The following ARHGEF7 variants were observed in gnomAD, a reference collection of about 807,000 sequenced individuals.
The protein encoded by ARHGEF7 is PAK-interacting exchange factor beta.
ARHGEF7 carries 33 observed loss-of-function variants against 109.8 expected under a neutral mutation model. That is an observed-to-expected ratio of 0.30 (90% CI 0.23 to 0.40). The LOEUF (loss-of-function observed/expected upper bound fraction) is 0.40. Among genes scored for constraint, ARHGEF7 ranks in the 10% least tolerant of loss-of-function variants. The pLI is 1.00. For missense variants in ARHGEF7, 938 were observed against 1,098.5 expected (o/e 0.85, Z 2.07); for synonymous variants, 458 against 424.6 (o/e 1.08, Z -0.97).
intron 1 of ARHGEF7, among the ~76,000 whole-genome samples, chr13:111,119,026 A>G (rs986946303): frequency 9.9e-5 from 15 of 152,158 alleles, no homozygotes; most frequent in Admixed American, 1.3e-4. Flanking sequence ...TCTGGGATTA[A>G]GGTACCTGCA....
rs944095633 is a variant in ARHGEF7, at chr13:111,131,429, G to A, written c.165+15738G>A. On this transcript the variant is annotated intron_variant, in intron 1 of 21. Transcript: ENST00000646102. This position sits in a 1 kb window ranked among gnomAD's most constrained non-coding sequence, Gnocchi z 4.4. ...ATTCAGGGTTGGGTGTGTCGTTGGA[G>A]GCATCCGCATAGAGCTGTTGGAGCT... Among the ~76,000 whole-genome samples the A allele has an allele frequency of 2.6e-5, 4 of 152,144 alleles. No individual in the cohort carries two copies. The highest frequency in any genetic ancestry group is 5.9e-5 in the Non-Finnish European group (4 of 68,008).
rs375516760 is a variant in ARHGEF7 at position 111,197,494 on chromosome 13, C to T, written c.253-7795C>T. Reference sequence around the variant, plus strand: ...TTGAAAACCTGTTAAGAGTCCTAAGCGTTCTCCTGTTAGTATTGGGACTTT... The same window carrying T: ...TTGAAAACCTGTTAAGAGTCCTAAGTGTTCTCCTGTTAGTATTGGGACTTT... On this transcript the variant is annotated intron_variant, in intron 2 of 21. Transcript: ENST00000646102. Among the ~76,000 whole-genome samples, 10 of 152,308 alleles carry T rather than the reference C, an allele frequency of 6.6e-5. No individual in the cohort carries two copies. In the East Asian group the frequency reaches 7.7e-4, roughly 12 times the overall value.
At chr13:111,172,547 T>C (rs983286861) in intron 2 of ARHGEF7, among the ~76,000 whole-genome samples, 2 of 152,360 alleles carry the variant, frequency 1.3e-5, no homozygotes, top group South Asian at 4.1e-4. Flanking sequence ...CCTTCACACT[T>C]TTTGGGAACC....
At chr13:111,212,444 G>A (rs1316609051) in intron 4 of ARHGEF7, among the ~76,000 whole-genome samples, 7 of 152,156 alleles carry the variant, frequency 4.6e-5, no homozygotes, top group Admixed American at 3.9e-4. Flanking sequence ...GTTCGACACC[G>A]CTGGAATTCC....
chr13:111,205,416 A>G (rs766294403), intron 3 of ARHGEF7, 43 bp downstream of exon 3: 3 of 1,372,176 alleles, frequency 2.2e-6, no homozygotes, highest in Admixed American at 5.1e-5. Context: ...GGGAAGACAT[A>G]CGGGCTGACA....
intron 2 of ARHGEF7, among the ~76,000 whole-genome samples, chr13:111,179,702 G>A (rs1232421254): frequency 6.6e-6 from 1 of 152,136 alleles, no homozygotes; most frequent in Non-Finnish European, 1.5e-5. Context: ...TTATTTTCCT[G>A]TAGGATCGTT....
At chr13:111,125,071 A>G (rs1342003407) in intron 1 of ARHGEF7, among the ~76,000 whole-genome samples, 3 of 152,046 alleles carry the variant, frequency 2.0e-5, no homozygotes, top group Non-Finnish European at 2.9e-5. Context: ...GGTGTCTTCT[A>G]GTTTTATTGA....
chr13:111,286,351 G>C (rs778630202), intron 17 of ARHGEF7, 111 bp downstream of exon 17: 1 of 851,058 alleles, frequency 1.2e-6, no homozygotes, highest in East Asian at 2.6e-5. Context: ...CCAAACAAAA[G>C]TAAGGTCTGC....
chr13:111,304,871 T>G lies in ARHGEF7; in HGVS notation c.*1758T>G, dbSNP rs2093626530. The G allele has an allele frequency of 1.3e-5, 2 of 152,264 alleles. No homozygotes were observed. Among genetic ancestry groups the G allele is most frequent in the Non-Finnish European group, 2.9e-5 (2 of 68,050 alleles). 9.4% of individuals were successfully genotyped at this position (152,264 alleles called of 1,614,324 possible). A position where few individuals can be genotyped will look rare whatever the true frequency, so the allele number is the denominator to read the frequency against. Reference sequence around the variant, plus strand: ...ATCAACACTTTCTTTTTTGGTAAGCTTGAGTTTTACAAGTTATTTTTTGGT... The same window carrying G: ...ATCAACACTTTCTTTTTTGGTAAGCGTGAGTTTTACAAGTTATTTTTTGGT... On this transcript the variant is annotated 3_prime_UTR_variant, in exon 22 of 22. Transcript: ENST00000646102.
At chr13:111,245,164 C>A (rs905911263) in intron 8 of ARHGEF7, among the ~76,000 whole-genome samples, 1 of 152,088 alleles carries the variant, frequency 6.6e-6, no homozygotes, top group South Asian at 2.1e-4. Context: ...AGCATCTCAT[C>A]GATTTGCTGA....
At chr13:111,251,041 C>T (rs2089687333) in intron 8 of ARHGEF7, among the ~76,000 whole-genome samples, 1 of 152,216 alleles carries the variant, frequency 6.6e-6, no homozygotes. Flanking sequence ...ATCTCCAGCC[C>T]CTTGTCCTCC....
At chr13:111,226,475 A>G (rs749391356) in intron 5 of ARHGEF7, among the ~76,000 whole-genome samples, 12 of 152,240 alleles carry the variant, frequency 7.9e-5, no homozygotes, top group Non-Finnish European at 1.5e-4. Context: ...CTTAAGAATT[A>G]TGCTTAACCA....
Position 111,221,263 on chromosome 13 carries a change from ATATATATGT to A in ARHGEF7, c.670+3384_670+3392del, listed in dbSNP as rs1469993958. Among the ~76,000 whole-genome samples, 145 of 47,646 alleles carry A rather than the reference ATATATATGT, an allele frequency of 3.0e-3. 47 individuals are homozygous for A. Among genetic ancestry groups the A allele is most frequent in the African/African-American group, 0.013 (140 of 10,936 alleles). 31.3% of individuals were successfully genotyped at this position (47,646 alleles called of 152,430 possible). ...TATATGTCTATATATATCTATATAG[ATATATATGT>A]CTATATATATCTATATAGATATATA... On this transcript the variant is annotated intron_variant, in intron 5 of 21. Transcript: ENST00000646102.
chr13:111,252,144 G>A (rs549225232), intron 8 of ARHGEF7, among the ~76,000 whole-genome samples: 1 of 152,318 alleles, frequency 6.6e-6, no homozygotes, highest in South Asian at 2.1e-4. Flanking sequence ...AGTTAAGATG[G>A]CATAAAAGAG....
At chr13:111,205,091 C>T (rs577140977) in intron 2 of ARHGEF7, among the ~76,000 whole-genome samples, 198 bp from the exon 3 acceptor site, 14 of 151,728 alleles carry the variant, frequency 9.2e-5, no homozygotes, top group African/African-American at 3.4e-4. Flanking sequence ...GAGGGGGGAC[C>T]CTGCACCTAA....
intron 1 of ARHGEF7, among the ~76,000 whole-genome samples, chr13:111,146,968 C>G (rs995340415): frequency 6.6e-6 from 1 of 152,182 alleles, no homozygotes; most frequent in African/African-American, 2.4e-5. Flanking sequence ...GGTTAGAGTT[C>G]TTGATGGAAA....
Position 111,273,713 on chromosome 13 carries a change from C to G in ARHGEF7, c.1074-101C>G. Reference sequence around the variant, plus strand: ...AGCCTTCCAGATGTTAAAAGCAACACTTATGTTTCATAAATTCTGGCTGTT... The same window carrying G: ...AGCCTTCCAGATGTTAAAAGCAACAGTTATGTTTCATAAATTCTGGCTGTT... On this transcript the variant is annotated intron_variant, in intron 9 of 21. Coordinates refer to ENST00000646102, the MANE Select transcript of ARHGEF7 (RefSeq NM_001354046.2). This position sits in a 1 kb window ranked among gnomAD's most constrained non-coding sequence, Gnocchi z 4.5. 1 of 1,510,702 alleles carries G rather than the reference C, an allele frequency of 6.6e-7. No individual in the cohort carries two copies. 93.6% of individuals were successfully genotyped at this position (1,510,702 alleles called of 1,614,324 possible). A position where few individuals can be genotyped will look rare whatever the true frequency, so the allele number is the denominator to read the frequency against.
chr13:111,223,118 C>T (rs1157444136), intron 5 of ARHGEF7, among the ~76,000 whole-genome samples: 1 of 152,154 alleles, frequency 6.6e-6, no homozygotes, highest in African/African-American at 2.4e-5. Flanking sequence ...AGAGATATAG[C>T]TGCAGTTTCA....
At chr13:111,196,916 A>G (rs904996295) in intron 2 of ARHGEF7, among the ~76,000 whole-genome samples, 1 of 152,166 alleles carries the variant, frequency 6.6e-6, no homozygotes, top group African/African-American at 2.4e-5. Flanking sequence ...ATTTTTACCC[A>G]TCAGAGAGAG....
Sources: allele counts gnomAD v4.1 joint callset (sites outside exome capture counted in the v4.1 genomes callset), GRCh38; gene constraint gnomAD v4.1.1; non-coding constraint Gnocchi (gnomAD v3.1); transcripts MANE v1.5; gene names NCBI Gene and HGNC (gene_info 2026-07-23, HGNC 2026-07-21).